Variants in CAPN7 observed in about 807,000 individuals in gnomAD.
CAPN7 encodes the protein calpain 7, also known as calpain-7.
CAPN7 carries 72 observed loss-of-function variants against 115.2 expected under a neutral mutation model. The observed-to-expected ratio is 0.63, with a 90% CI of 0.52 to 0.76. CAPN7 has a LOEUF of 0.76. CAPN7 is among the 30% of genes least tolerant of loss of function. CAPN7 has a pLI of 0.00. For missense variants in CAPN7, 905 were observed against 971.5 expected (o/e 0.93, Z 0.91); for synonymous variants, 344 against 322.3 (o/e 1.07, Z -0.72).
chr3:15,226,767 A>G (rs997732593), intron 6 of CAPN7, among the ~76,000 whole-genome samples: 3 of 152,182 alleles, frequency 2.0e-5, no homozygotes, highest in Non-Finnish European at 4.4e-5. Context: ...GTGTCCTTCA[A>G]TGAAAAAACT....
chr3:15,207,311 C>T (rs1400221485), intron 1 of CAPN7, among the ~76,000 whole-genome samples: 1 of 152,130 alleles, frequency 6.6e-6, no homozygotes, highest in African/African-American at 2.4e-5. Context: ...AAAAAAAATA[C>T]TACACCAGTG....
intron 2 of CAPN7, 118 bp downstream of exon 2, chr3:15,212,330 G>A (rs1035886632): frequency 3.8e-5 from 22 of 575,038 alleles, no homozygotes; most frequent in Non-Finnish European, 6.1e-5. Flanking sequence ...TCACTCTGTT[G>A]CTGCTCATTC....
chr3:15,233,774 C>G (rs1313988365), intron 10 of CAPN7, 93 bp from the exon 11 acceptor site: 30 of 711,198 alleles, frequency 4.2e-5, no homozygotes, highest in Non-Finnish European at 6.4e-5. Context: ...CTACCAAAAT[C>G]ATTATGCCAA....
At chr3:15,250,055 G>A (rs942986401) in intron 19 of CAPN7, among the ~76,000 whole-genome samples, 3 of 148,324 alleles carry the variant, frequency 2.0e-5, no homozygotes, top group Non-Finnish European at 3.0e-5. Flanking sequence ...GAGCCACCGC[G>A]CCTGGCCAAT....
intron 9 of CAPN7, 100 bp downstream of exon 9, chr3:15,230,635 T>C: frequency 1.4e-6 from 1 of 725,806 alleles, no homozygotes; most frequent in East Asian, 2.5e-5. Context: ...GTTTGAACAT[T>C]TTAAAAGTTA....
intron 4 of CAPN7, 134 bp downstream of exon 4, chr3:15,218,674 C>G (rs1693785833): frequency 1.5e-6 from 1 of 688,190 alleles, no homozygotes; most frequent in Admixed American, 2.4e-5. Context: ...AATCTACTTT[C>G]TACTTCTTAG....
At chr3:15,212,376 A>G (rs77346929) in intron 2 of CAPN7, among the ~76,000 whole-genome samples, 164 bp downstream of exon 2, 3,252 of 152,278 alleles carry the variant, frequency 0.021, 130 homozygotes, top group African/African-American at 0.073. Context: ...AGTCATTTAG[A>G]AATAAGTCAT....
rs756425850 is a variant in CAPN7, at chr3:15,217,456, A to T, written c.243A>T (p.Ser81=). 2 of 1,613,634 alleles carry T rather than the reference A, an allele frequency of 1.2e-6. No individual in the cohort carries two copies. The highest frequency in any genetic ancestry group is 1.7e-6 in the Non-Finnish European group (2 of 1,179,794). ...VQSKSADPLK[S]KHQLDLERAH... ...CAAAGAGTGCTGATCCTTTGAAGTC[A>T]AAACATCAGTTGGACTTAGAGCGTG... Residue 81 remains serine (S), a synonymous_variant, in exon 3 of 21, where the codon TCA becomes TCT. Transcript: ENST00000253693.
rs537102769 is a variant in CAPN7, at chr3:15,250,532, C to T, written c.2205-399C>T. On this transcript the variant is annotated intron_variant, in intron 19 of 20. Coordinates refer to ENST00000253693, the MANE Select transcript of CAPN7 (RefSeq NM_014296.3). ...AAAAATACAAAAAAATTTAGCCAGGCACAGTGGCATACCCCTGTAGTCCCA... is the reference window on the plus strand; with the variant it reads ...AAAAATACAAAAAAATTTAGCCAGGTACAGTGGCATACCCCTGTAGTCCCA... Among the ~76,000 whole-genome samples the T allele has an allele frequency of 2.6e-5, 4 of 152,092 alleles. No individual in the cohort carries two copies. The East Asian group carries it at 7.7e-4, about 29-fold the overall frequency.
rs1462983793 is a variant in CAPN7 at position 15,252,811 on chromosome 3, T to A, written c.*1551T>A. The A allele has an allele frequency of 1.6e-5, 2 of 127,564 alleles. No homozygotes were observed. Among genetic ancestry groups the A allele is most frequent in the African/African-American group, 5.4e-5 (1 of 18,586 alleles). 7.9% of individuals were successfully genotyped at this position (127,564 alleles called of 1,614,324 possible). On this transcript the variant is annotated 3_prime_UTR_variant, in exon 21 of 21. Transcript: ENST00000253693. ...GATACTTTAACTTGGACCTTGAAGGTAAAGCTTCAAAAGACAGGTTACTGA... is the reference window on the plus strand; with the variant it reads ...GATACTTTAACTTGGACCTTGAAGGAAAAGCTTCAAAAGACAGGTTACTGA...
At position 15,206,504 on chromosome 3, in the gene CAPN7, C is replaced by A; in HGVS notation, c.9C>A (p.Ala3=). ...CGCGGGGCCACTGCGCCATGGACGCCACAGCACTGGAGCGGGACGCTGTGC... is the reference window on the plus strand; with the variant it reads ...CGCGGGGCCACTGCGCCATGGACGCAACAGCACTGGAGCGGGACGCTGTGC... MD[A]TALERDAVQF... The change falls in exon 1 of 21, where the codon GCC becomes GCA. Residue 3 remains alanine, a synonymous_variant. Transcript: ENST00000253693. 1 of 1,549,976 alleles carries A rather than the reference C, an allele frequency of 6.5e-7. No homozygotes were observed. Among genetic ancestry groups the A allele is most frequent in the Non-Finnish European group, 8.7e-7 (1 of 1,147,368 alleles).
In CAPN7 at chr3:15,252,286, A is replaced by C. The variant is rs951313335; in HGVS notation, c.*1026A>C. On this transcript the variant is annotated 3_prime_UTR_variant, in exon 21 of 21. Coordinates refer to ENST00000253693, the MANE Select transcript of CAPN7 (RefSeq NM_014296.3). ...TTGCTACTACCTTAAATTGAAATAAAATGTTTATACTTACGGATATTGCAT... is the reference window on the plus strand; with the variant it reads ...TTGCTACTACCTTAAATTGAAATAACATGTTTATACTTACGGATATTGCAT... 83 of 152,646 alleles carry C rather than the reference A, an allele frequency of 5.4e-4. No homozygotes were observed. The highest frequency in any genetic ancestry group is 1.9e-3 in the African/African-American group (78 of 41,462). 9.5% of individuals were successfully genotyped at this position (152,646 alleles called of 1,614,324 possible).
chr3:15,212,174 C>G lies in CAPN7; in HGVS notation c.173C>G (p.Thr58Ser), dbSNP rs2044991299. 1 of 1,609,124 alleles carries G rather than the reference C, an allele frequency of 6.2e-7. No homozygotes were observed. The highest frequency in any genetic ancestry group is 1.3e-5 in the African/African-American group (1 of 74,860). ...SSLENIQEKI[T>S]EYLERVQALH... ...CTAGAAAATATTCAAGAAAAAATAA[C>G]TGAGTATCTGGAAAGAGTTCAAGCT... Residue 58 changes from threonine (T) to serine (S), a missense_variant, in exon 2 of 21, where the codon ACT becomes AGT. This residue lies in a region of CAPN7 where 271 missense variants were observed against 239.6 expected (regional missense o/e 1.13). Coordinates refer to ENST00000253693, the MANE Select transcript of CAPN7 (RefSeq NM_014296.3).
intron 14 of CAPN7, among the ~76,000 whole-genome samples, chr3:15,241,069 G>A (rs781778304): frequency 6.6e-6 from 1 of 152,192 alleles, no homozygotes; most frequent in Non-Finnish European, 1.5e-5. Flanking sequence ...GCCAGGCATT[G>A]TGGCGCACAC....
intron 1 of CAPN7, among the ~76,000 whole-genome samples, chr3:15,210,596 C>CTTTTTTTTTTTTTTTTTTTTTTTTT (rs371169868): frequency 2.9e-5 from 3 of 104,428 alleles, no homozygotes; most frequent in African/African-American, 1.8e-4. Flanking sequence ...TGCTTCCTTC[C>CTTTTTTTTTTTTTTTTTTTTTTTTT]TTTTTTTTTT....
intron 4 of CAPN7, 142 bp from the exon 5 acceptor site, chr3:15,220,639 A>G: frequency 3.1e-6 from 2 of 652,044 alleles, no homozygotes; most frequent in Non-Finnish European, 5.4e-6. Context: ...GAAGTAGTGA[A>G]ATGTTGATTA....
At chr3:15,229,166 A>C in intron 8 of CAPN7, 107 bp downstream of exon 8, 1 of 704,134 alleles carries the variant, frequency 1.4e-6, no homozygotes, top group East Asian at 2.6e-5. Flanking sequence ...TATCATTCAG[A>C]ATATGGCCCT....
intron 19 of CAPN7, 70 bp downstream of exon 19, chr3:15,247,527 T>A: frequency 1.5e-6 from 2 of 1,320,260 alleles, no homozygotes; most frequent in African/African-American, 1.5e-5. Flanking sequence ...ACAAAAAAGT[T>A]TAGAAACAGA....
chr3:15,218,347 C>A (rs1693764506), intron 3 of CAPN7, 126 bp from the exon 4 acceptor site: 4 of 665,744 alleles, frequency 6.0e-6, no homozygotes, highest in Non-Finnish European at 1.0e-5. Flanking sequence ...GAATTAATGT[C>A]ATCTTTGTTT....
Sources: gnomAD v4.1 joint callset for allele counts (sites outside exome capture counted in the v4.1 genomes callset) on GRCh38, gnomAD v4.1.1 for gene constraint, gnomAD v4.1.1 regional missense constraint, MANE v1.5 for transcripts, NCBI Gene and HGNC (gene_info 2026-07-23, HGNC 2026-07-21) for gene names.